Variants in DCBLD1 observed in about 807,000 individuals in gnomAD.
DCBLD1 encodes discoidin, CUB and LCCL domain-containing protein 1.
Under a neutral mutation model 71.5 loss-of-function variants are expected in DCBLD1, and 57 were observed. The observed-to-expected ratio is 0.80, with a 90% CI of 0.64 to 0.99. DCBLD1 has a LOEUF of 0.99. DCBLD1 is among the 50% of genes least tolerant of loss of function. The pLI, the probability that DCBLD1 is intolerant of heterozygous loss-of-function variation, is 0.00. For synonymous variants in DCBLD1, 380 were observed against 363.8 expected (o/e 1.04, Z -0.51); for missense variants, 891 against 923.5 (o/e 0.96, Z 0.46).
chr6:117,567,603 CACAG>C (rs1032826673), intron 14 of DCBLD1, among the ~76,000 whole-genome samples: 3 of 152,024 alleles, frequency 2.0e-5, no homozygotes, highest in African/African-American at 7.2e-5. Context: ...GAGTACCAGA[CACAG>C]ACATAGTGTT....
chr6:117,537,441 G>A (rs1018601539), intron 7 of DCBLD1, among the ~76,000 whole-genome samples: 5 of 151,718 alleles, frequency 3.3e-5, no homozygotes, highest in Non-Finnish European at 7.4e-5. Context: ...GGCTGAGGCA[G>A]GAGAATGGCG....
At chr6:117,518,498 C>G (rs1051585687) in intron 2 of DCBLD1, among the ~76,000 whole-genome samples, 1 of 152,196 alleles carries the variant, frequency 6.6e-6, no homozygotes, top group Non-Finnish European at 1.5e-5. Flanking sequence ...CCCCACTCTA[C>G]TGGCACCAAC....
rs1562459906 is a variant in DCBLD1, at chr6:117,540,808, T to A, written c.1242T>A (p.Ile414=). 1.2e-6 allele frequency: 2 copies of A among 1,614,108 alleles called. No homozygotes were observed. Among genetic ancestry groups the A allele is most frequent in the South Asian group, 2.2e-5 (2 of 91,088 alleles). ...ALKVELIGCQ[I]TQGNDSLVWR... is the part of the protein sequence containing the mutation. Reference sequence around the variant, plus strand: ...AGGTGGAGCTCATTGGTTGCCAGATTACACAAGGTAGGGCTCAGGGCAAGC... The same window carrying A: ...AGGTGGAGCTCATTGGTTGCCAGATAACACAAGGTAGGGCTCAGGGCAAGC... Residue 414 remains isoleucine (I), a synonymous_variant, in exon 10 of 15, where the codon ATT becomes ATA. Coordinates refer to ENST00000338728, the MANE Select transcript of DCBLD1 (RefSeq NM_001366458.2).
chr6:117,519,887 G>C lies in DCBLD1; in HGVS notation c.397G>C (p.Glu133Gln). 1 of 1,614,164 alleles carries C rather than the reference G, an allele frequency of 6.2e-7. No individual in the cohort carries two copies. The highest frequency in any genetic ancestry group is 1.3e-5 in the African/African-American group (1 of 75,044). The change falls in exon 3 of 15, where the codon GAG becomes CAG. Residue 133 changes from glutamate to glutamine, a missense_variant. Physicochemically the swap from Glu to Gln is conservative, Grantham distance 29. Coordinates refer to ENST00000338728, the MANE Select transcript of DCBLD1 (RefSeq NM_001366458.2). Reference protein sequence around the residue: ...LNTSEVTVRFESGSHISGRGF... With the variant: ...LNTSEVTVRFQSGSHISGRGF... The stretch of plus-strand genomic sequence containing the variant: ...CACAAGTGAAGTAACCGTCCGCTTT[G>C]AGAGTGGATCCCACATTTCTGGCCG...
chr6:117,538,959 T>C, intron 8 of DCBLD1, 124 bp downstream of exon 8: 3 of 1,041,736 alleles, frequency 2.9e-6, no homozygotes, highest in Non-Finnish European at 4.1e-6. Context: ...TCTTGAAATA[T>C]TTGAAAATGT....
chr6:117,525,490 C>A lies in DCBLD1; in HGVS notation c.585+56C>A. 5.4e-6 allele frequency: 7 copies of A among 1,292,754 alleles called. No homozygotes were observed. The South Asian group carries it at 1.1e-4, about 19-fold the overall frequency. The allele number at this position is 1,292,754 out of a possible 1,614,324, so 80.1% of individuals were successfully genotyped here. On this transcript the variant is annotated intron_variant, in intron 5 of 14. Coordinates refer to ENST00000338728, the MANE Select transcript of DCBLD1 (RefSeq NM_001366458.2). ...AATTAAAAGGAGTAAGTGCTTTACT[C>A]TGCCTAAATTAATTACTGAGTAAAG...
intron 5 of DCBLD1, among the ~76,000 whole-genome samples, chr6:117,526,300 C>G (rs528254459): frequency 6.6e-6 from 1 of 152,260 alleles, no homozygotes; most frequent in Middle Eastern, 3.4e-3. Flanking sequence ...AAGATTGACA[C>G]TGGATACTCA....
chr6:117,515,421 T>A (rs548949805), intron 2 of DCBLD1, among the ~76,000 whole-genome samples: 20 of 152,164 alleles, frequency 1.3e-4, no homozygotes, highest in Non-Finnish European at 2.5e-4. Context: ...ACTGGGTTAA[T>A]ATAAAAAAAT....
Position 117,566,841 on chromosome 6 carries a change from G to C in DCBLD1, c.1616-2779G>C, listed in dbSNP as rs1562137579. Reference sequence around the variant, plus strand: ...ATGAATATGTTAATAATAATTTTTAGAGTGATTTTTACCTTGTAATACTTT... The same window carrying C: ...ATGAATATGTTAATAATAATTTTTACAGTGATTTTTACCTTGTAATACTTT... On this transcript the variant is annotated intron_variant, in intron 14 of 14. Coordinates refer to the DCBLD1 transcript ENST00000296955. 2.7e-6 allele frequency: 4 copies of C among 1,499,886 alleles called. No homozygotes were observed. The Middle Eastern group carries it at 5.3e-4, about 200-fold the overall frequency. The allele number at this position is 1,499,886 out of a possible 1,614,324, so 92.9% of individuals were successfully genotyped here. A position where few individuals can be genotyped will look rare whatever the true frequency, so the allele number is the denominator to read the frequency against.
chr6:117,482,949 G>A (rs1209341087), intron 1 of DCBLD1, 56 bp downstream of exon 1: 2 of 1,126,988 alleles, frequency 1.8e-6, no homozygotes, highest in Non-Finnish European at 2.2e-6. Flanking sequence ...GGCGGGCTGA[G>A]GGCTGCGGGG....
chr6:117,551,581 G>A (rs190671955), downstream of DCBLD1, among the ~76,000 whole-genome samples: 5 of 152,108 alleles, frequency 3.3e-5, no homozygotes, highest in East Asian at 3.9e-4. Context: ...GGGTTTCACC[G>A]TGTTAGCCAG....
chr6:117,545,664 G>A, intron 14 of DCBLD1, 67 bp downstream of exon 14: 1 of 1,552,870 alleles, frequency 6.4e-7, no homozygotes, highest in East Asian at 2.3e-5. Context: ...AGGGAGACAG[G>A]AGAGAAATAA....
At chr6:117,526,681 T>C (rs1047222399) in intron 5 of DCBLD1, among the ~76,000 whole-genome samples, 3 of 152,224 alleles carry the variant, frequency 2.0e-5, no homozygotes, top group Admixed American at 6.5e-5. Flanking sequence ...CTATTTGCTT[T>C]TAGAATGATT....
intron 1 of DCBLD1, among the ~76,000 whole-genome samples, chr6:117,492,015 T>C (rs1459554643): frequency 6.6e-6 from 1 of 152,232 alleles, no homozygotes; most frequent in Non-Finnish European, 1.5e-5. Context: ...GTTGTGATTA[T>C]TGCTCCACTT....
chr6:117,509,154 A>C (rs9374665), intron 2 of DCBLD1, among the ~76,000 whole-genome samples: 14,816 of 152,196 alleles, frequency 0.097, 1,929 homozygotes, highest in African/African-American at 0.3. Context: ...TGGGCAGGCC[A>C]GGTGCGACAT....
In DCBLD1 at chr6:117,545,354, AG is replaced by A. The variant is rs1297255598; in HGVS notation, c.1496-122del. 3.6e-5 allele frequency: 46 copies of A among 1,283,758 alleles called. No homozygotes were observed. In the Admixed American group the frequency reaches 6.6e-4, roughly 19 times the overall value. 79.5% of individuals were successfully genotyped at this position (1,283,758 alleles called of 1,614,324 possible). The stretch of plus-strand genomic sequence containing the variant: ...CTGTTCTTAGCACACACACCTGAGG[AG>A]GACATTGATCACTGTCAGCTGTCAG... On this transcript the variant is annotated intron_variant, in intron 13 of 14. Transcript: ENST00000338728.
At chr6:117,529,780 A>G (rs943185548) in intron 5 of DCBLD1, among the ~76,000 whole-genome samples, 1 of 152,216 alleles carries the variant, frequency 6.6e-6, no homozygotes, top group African/African-American at 2.4e-5. Context: ...CCTATAGCCT[A>G]CAATTAATAT....
At chr6:117,507,247 G>A (rs1310279680) in intron 2 of DCBLD1, among the ~76,000 whole-genome samples, 1 of 152,150 alleles carries the variant, frequency 6.6e-6, no homozygotes, top group Non-Finnish European at 1.5e-5. Context: ...TATATACTTT[G>A]GGTATTTTGG....
chr6:117,540,864 T>A (rs1043352299), intron 10 of DCBLD1, 49 bp downstream of exon 10: 34 of 1,613,996 alleles, frequency 2.1e-5, no homozygotes, highest in African/African-American at 2.7e-5. Flanking sequence ...GTCATATTTT[T>A]TTTCGCCTAT....
Sources: gnomAD v4.1 joint callset for allele counts (sites outside exome capture counted in the v4.1 genomes callset) on GRCh38, gnomAD v4.1.1 for gene constraint, MANE v1.5 for transcripts, NCBI Gene and HGNC (gene_info 2026-07-23, HGNC 2026-07-21) for gene names.